Variants in MME observed in about 807,000 individuals in gnomAD.
The protein encoded by MME is neprilysin.
Under a neutral mutation model 113.2 loss-of-function variants are expected in MME, and 98 were observed. That is an observed-to-expected ratio of 0.87 (90% CI 0.74 to 1.02). The LOEUF (loss-of-function observed/expected upper bound fraction) is 1.02, where lower values mean the gene tolerates loss of function less well. Ranked by LOEUF, MME falls within the 50% of genes least tolerant of loss-of-function variation. The pLI, the probability that MME is intolerant of heterozygous loss-of-function variation, is 0.00. For missense variants in MME, 836 were observed against 896.0 expected, an observed-to-expected ratio of 0.93 and a Z score of 0.86; for synonymous variants, 292 against 300.6, an observed-to-expected ratio of 0.97 and a Z score of 0.30.
chr3:155,027,017 C>T (rs77551462), intron 1 of MME, among the ~76,000 whole-genome samples: 7,877 of 152,174 alleles, frequency 0.052, 245 homozygotes, highest in Non-Finnish European at 0.078. Flanking sequence ...ATCTATTTAG[C>T]CTGGGTATTT....
At chr3:155,060,860 T>A (rs201687736) in intron 1 of MME, among the ~76,000 whole-genome samples, 2,263 of 124,826 alleles carry the variant, frequency 0.018, 50 homozygotes, top group African/African-American at 0.067. Context: ...AGAGAGAGAG[T>A]GAGAGAGAGA....
chr3:155,041,468 A>G (rs1333359704), intron 1 of MME, among the ~76,000 whole-genome samples: 1 of 152,218 alleles, frequency 6.6e-6, no homozygotes, highest in Non-Finnish European at 1.5e-5. Context: ...GCTATGTGGC[A>G]TTAAAGCTGG....
At chr3:155,171,065 A>C (rs1328327950) in intron 20 of MME, among the ~76,000 whole-genome samples, 1 of 152,204 alleles carries the variant, frequency 6.6e-6, no homozygotes, top group African/African-American at 2.4e-5. Flanking sequence ...ATTCTAATAC[A>C]CAGCCAGATT....
At chr3:155,119,422 T>C (rs967831942) in intron 8 of MME, among the ~76,000 whole-genome samples, 1 of 151,648 alleles carries the variant, frequency 6.6e-6, no homozygotes, top group Non-Finnish European at 1.5e-5. Flanking sequence ...TTTTTTTTTT[T>C]TTTTTTTATT....
At chr3:155,029,324 T>G (rs1451829822) in intron 1 of MME, among the ~76,000 whole-genome samples, 2 of 152,114 alleles carry the variant, frequency 1.3e-5, no homozygotes, top group Non-Finnish European at 2.9e-5. Flanking sequence ...TTATAACTTC[T>G]TAAAAAATTT....
chr3:155,091,552 G>A (rs556859423), intron 3 of MME, among the ~76,000 whole-genome samples: 4 of 152,222 alleles, frequency 2.6e-5, no homozygotes, highest in African/African-American at 9.6e-5. Context: ...GCTTAGACTG[G>A]GGTGAGAATC....
At chr3:155,165,490 G>A (rs56125334) in intron 17 of MME, among the ~76,000 whole-genome samples, 23,221 of 151,974 alleles carry the variant, frequency 0.15, 2,411 homozygotes, top group East Asian at 0.29. Context: ...AGGACCCTGG[G>A]GCCATAGGCC....
At chr3:155,104,296 A>G (rs1717506580) in intron 3 of MME, among the ~76,000 whole-genome samples, 3 of 152,156 alleles carry the variant, frequency 2.0e-5, no homozygotes, top group Admixed American at 2.0e-4. Flanking sequence ...ATGATTTAAC[A>G]TAATCTTCTG....
intron 22 of MME, among the ~76,000 whole-genome samples, chr3:155,174,717 AT>A (rs1292016828): frequency 6.6e-6 from 1 of 152,052 alleles, no homozygotes; most frequent in Non-Finnish European, 1.5e-5. Flanking sequence ...CATATTTGCT[AT>A]GTCTAACCTA....
chr3:155,115,959 G>C (rs1718565285), intron 4 of MME, among the ~76,000 whole-genome samples: 1 of 152,086 alleles, frequency 6.6e-6, no homozygotes, highest in African/African-American at 2.4e-5. Flanking sequence ...CCCTCTTCTA[G>C]AAGTTATTTT....
At chr3:155,140,162 A>G in intron 9 of MME, 29 bp from the exon 10 acceptor site, 3 of 1,498,084 alleles carry the variant, frequency 2.0e-6, no homozygotes, top group Non-Finnish European at 2.8e-6. Flanking sequence ...TCTTAATTCT[A>G]AAATAATGAT....
chr3:155,100,048 A>C (rs550253113), intron 3 of MME, among the ~76,000 whole-genome samples: 2 of 152,318 alleles, frequency 1.3e-5, no homozygotes, highest in Non-Finnish European at 2.9e-5. Flanking sequence ...AAAATTGACA[A>C]ATGGGATCTA....
At chr3:155,042,911 T>TATATATATAC (rs1559890020) in intron 1 of MME, among the ~76,000 whole-genome samples, 1 of 40,378 alleles carries the variant, frequency 2.5e-5, no homozygotes, top group Non-Finnish European at 4.5e-5. Flanking sequence ...TATATATATA[T>TATATATATAC]ATATATATAT....
chr3:155,155,913 T>A (rs1722275343), intron 16 of MME, among the ~76,000 whole-genome samples: 1 of 152,216 alleles, frequency 6.6e-6, no homozygotes, highest in South Asian at 2.1e-4. Flanking sequence ...CAAACAGAAC[T>A]ACACACAAAC....
At chr3:155,124,841 T>G (rs1011370685) in intron 8 of MME, among the ~76,000 whole-genome samples, 4 of 152,212 alleles carry the variant, frequency 2.6e-5, no homozygotes, top group African/African-American at 4.8e-5. Flanking sequence ...ACAGGGACAT[T>G]TAAGTCTGCA....
chr3:155,172,301 G>T (rs1712059874), intron 21 of MME, 89 bp downstream of exon 21: 5 of 927,846 alleles, frequency 5.4e-6, no homozygotes, highest in Non-Finnish European at 8.9e-6. Context: ...GAGTTCCCTT[G>T]TTTTACAGAG....
intron 16 of MME, among the ~76,000 whole-genome samples, chr3:155,155,443 G>A (rs889634888): frequency 1.3e-5 from 2 of 152,122 alleles, no homozygotes; most frequent in Non-Finnish European, 2.9e-5. Context: ...TAGCAATGGT[G>A]CCCTCTGCCC....
intron 7 of MME, among the ~76,000 whole-genome samples, chr3:155,117,963 T>A (rs572801885): frequency 6.6e-6 from 1 of 152,338 alleles, no homozygotes; most frequent in Admixed American, 6.5e-5. Context: ...TCCACACTCA[T>A]GTTGCCATGC....
intron 1 of MME, among the ~76,000 whole-genome samples, chr3:155,033,781 CAGATATACCT>C (rs1329226462): frequency 9.9e-5 from 15 of 151,914 alleles, no homozygotes; most frequent in African/African-American, 3.6e-4. Flanking sequence ...ATACAATGAA[CAGATATACCT>C]ATGTTTTATT....
Sources: allele counts gnomAD v4.1 joint callset (sites outside exome capture counted in the v4.1 genomes callset), GRCh38; gene constraint gnomAD v4.1.1; transcripts MANE v1.5; gene names NCBI Gene and HGNC (gene_info 2026-07-23, HGNC 2026-07-21).